Variants in NOX4 observed in about 807,000 individuals in gnomAD.
NOX4 encodes kidney oxidase-1.
Under a neutral mutation model 87.6 loss-of-function variants are expected in NOX4, and 69 were observed. That is an observed-to-expected ratio of 0.79 (90% CI 0.65 to 0.96). The LOEUF (loss-of-function observed/expected upper bound fraction) is 0.96, where lower values mean the gene tolerates loss of function less well. Among genes scored for constraint, NOX4 ranks in the 40% least tolerant of loss-of-function variants. The pLI is 0.00. For missense variants in NOX4, 680 were observed against 681.5 expected (o/e 1.00, Z 0.02); for synonymous variants, 275 against 238.2 (o/e 1.15, Z -1.42).
At chr11:89,477,279 G>C (rs562541340) in intron 2 of NOX4, among the ~76,000 whole-genome samples, 1 of 152,204 alleles carries the variant, frequency 6.6e-6, no homozygotes, top group East Asian at 1.9e-4. Flanking sequence ...TTCATAAGGA[G>C]CTTGCAACCT....
chr11:89,490,394 C>G, intron 2 of NOX4, 64 bp downstream of exon 2: 1 of 1,113,836 alleles, frequency 9.0e-7, no homozygotes, highest in Non-Finnish European at 1.4e-6. Context: ...ACTGACCAAA[C>G]CTGTAGCAAT....
the NOX4 span, among the ~76,000 whole-genome samples, chr11:89,525,600 T>C: frequency 0.021 from 3,139 of 152,220 alleles, 99 homozygotes; most frequent in African/African-American, 0.067. Flanking sequence ...AACTGTTCTT[T>C]ATGTATTGTG....
intron 13 of NOX4, among the ~76,000 whole-genome samples, chr11:89,347,191 A>T (rs188535802): frequency 3.3e-5 from 5 of 152,338 alleles, no homozygotes; most frequent in South Asian, 2.1e-4. Context: ...CCACTACCAC[A>T]AATATGCAGA....
At chr11:89,328,093 C>T (rs1017952582) in intron 17 of NOX4, among the ~76,000 whole-genome samples, 2 of 152,106 alleles carry the variant, frequency 1.3e-5, no homozygotes, top group Admixed American at 6.5e-5. Flanking sequence ...AGACAAAGAA[C>T]GGAGTTACAT....
At chr11:89,439,561 G>C (rs148188892) in intron 6 of NOX4, among the ~76,000 whole-genome samples, 1 of 152,052 alleles carries the variant, frequency 6.6e-6, no homozygotes, top group Non-Finnish European at 1.5e-5. Flanking sequence ...AGGGTAATGT[G>C]CCTCAGTCCC....
chr11:89,386,745 C>A (rs886314032), intron 11 of NOX4, among the ~76,000 whole-genome samples: 10 of 152,030 alleles, frequency 6.6e-5, no homozygotes, highest in Non-Finnish European at 1.5e-4. Flanking sequence ...TGCTGTATGA[C>A]AACATAAAAA....
chr11:89,535,405 T>G, the NOX4 span, among the ~76,000 whole-genome samples: 1 of 152,226 alleles, frequency 6.6e-6, no homozygotes, highest in Non-Finnish European at 1.5e-5. Context: ...CTCTCACTGA[T>G]TTTTCAGTGG....
chr11:89,410,195 C>T (rs7108854), intron 8 of NOX4, among the ~76,000 whole-genome samples: 2,271 of 152,228 alleles, frequency 0.015, 60 homozygotes, highest in African/African-American at 0.052. Flanking sequence ...GATTTAAAAG[C>T]TAATTCCTTT....
the NOX4 span, among the ~76,000 whole-genome samples, chr11:89,578,194 G>A: frequency 2.3e-4 from 34 of 148,068 alleles, no homozygotes; most frequent in East Asian, 5.0e-3. Context: ...ACAGAGTCTC[G>A]CTCTGTTGCC....
chr11:89,482,743 T>G (rs529151065), intron 2 of NOX4, among the ~76,000 whole-genome samples: 17 of 152,286 alleles, frequency 1.1e-4, no homozygotes, highest in African/African-American at 3.6e-4. Flanking sequence ...TGCTTGAATT[T>G]ACTTCTGATC....
the NOX4 span, among the ~76,000 whole-genome samples, chr11:89,566,702 T>A: frequency 6.6e-6 from 1 of 152,112 alleles, no homozygotes; most frequent in South Asian, 2.1e-4. Flanking sequence ...AGGAGATCTT[T>A]AGAAGGAAAT....
chr11:89,406,454 A>G (rs780874422), intron 8 of NOX4, among the ~76,000 whole-genome samples: 1 of 152,096 alleles, frequency 6.6e-6, no homozygotes, highest in Non-Finnish European at 1.5e-5. Context: ...CTCTGTGTCT[A>G]TTTGCCAAAC....
chr11:89,527,223 C>T, the NOX4 span, among the ~76,000 whole-genome samples: 4 of 152,116 alleles, frequency 2.6e-5, no homozygotes, highest in South Asian at 2.1e-4. Flanking sequence ...TTTGGGTGCT[C>T]TTACAAGCAT....
At chr11:89,382,442 C>A (rs975357057) in intron 11 of NOX4, among the ~76,000 whole-genome samples, 1 of 152,058 alleles carries the variant, frequency 6.6e-6, no homozygotes, top group African/African-American at 2.4e-5. Context: ...GTAAAATGGG[C>A]AAATGGTCTG....
chr11:89,380,184 T>G (rs1940172445), intron 11 of NOX4, among the ~76,000 whole-genome samples: 1 of 152,058 alleles, frequency 6.6e-6, no homozygotes, highest in African/African-American at 2.4e-5. Flanking sequence ...GTTGAAGAAA[T>G]GAACACTGGT....
intron 8 of NOX4, among the ~76,000 whole-genome samples, chr11:89,405,570 C>A (rs560102937): frequency 1.3e-5 from 2 of 151,298 alleles, no homozygotes; most frequent in South Asian, 4.2e-4. Context: ...GTAACTCTTG[C>A]CACCAAAGAA....
chr11:89,457,106 A>T (rs1253948450), intron 2 of NOX4, among the ~76,000 whole-genome samples: 2 of 152,146 alleles, frequency 1.3e-5, no homozygotes, highest in African/African-American at 4.8e-5. Context: ...CCAGCCCCTG[A>T]CGATGCACAC....
At chr11:89,374,308 C>T (rs1359463474) in intron 11 of NOX4, among the ~76,000 whole-genome samples, 1 of 152,010 alleles carries the variant, frequency 6.6e-6, no homozygotes. Context: ...TAAGCATTGT[C>T]CTACAGAATT....
chr11:89,326,818 G>A lies in NOX4; in HGVS notation c.1675C>T (p.Leu559=), dbSNP rs375926521. 3.1e-5 allele frequency: 50 copies of A among 1,612,994 alleles called. No homozygotes were observed. The African/African-American group carries it at 4.8e-4, about 15-fold the overall frequency. ...PNSLSKTLHK[L]SNQNNSYGTR... is the part of the protein sequence containing the mutation. ...CCATATGAGTTGTTCTGGTTACTCA[G>A]TTTATGAAGAGTCTTGGATAGTGAA... The change falls in exon 18 of 18, where the codon CTG becomes TTG. Residue 559 remains leucine, a synonymous_variant. Transcript: ENST00000263317.
Sources: gnomAD v4.1 joint callset for allele counts (sites outside exome capture counted in the v4.1 genomes callset) on GRCh38, gnomAD v4.1.1 for gene constraint, MANE v1.5 for transcripts, NCBI Gene and HGNC (gene_info 2026-07-23, HGNC 2026-07-21) for gene names.